Variants in TAF4 observed in about 807,000 individuals in gnomAD.
The protein encoded by TAF4 is TATA-box binding protein associated factor 4, also known as transcription initiation factor TFIID subunit 4.
Under a neutral mutation model 90.3 loss-of-function variants are expected in TAF4, and 9 were observed. That is an observed-to-expected ratio of 0.10 (90% CI 0.06 to 0.17). The LOEUF (loss-of-function observed/expected upper bound fraction) is 0.17. Among genes scored for constraint, TAF4 ranks in the 10% least tolerant of loss-of-function variants. TAF4 has a pLI of 1.00. For missense variants in TAF4, 1,351 were observed against 1,370.7 expected (o/e 0.99, Z 0.23); for synonymous variants, 818 against 638.9 (o/e 1.28, Z -4.23).
chr20:62,029,971 G>A lies in TAF4; in HGVS notation c.1361-15264C>T, dbSNP rs565690106. On this transcript the variant is annotated intron_variant, in intron 1 of 14. Transcript: ENST00000252996. Reference sequence around the variant, plus strand: ...AGTGGTCAGGGGAAGCCTCAGGGCTGGGCCAGAAGGAAGAACAGTGCGCCG... The same window carrying A: ...AGTGGTCAGGGGAAGCCTCAGGGCTAGGCCAGAAGGAAGAACAGTGCGCCG... Among the ~76,000 whole-genome samples, 3 of 152,324 alleles carry A rather than the reference G, an allele frequency of 2.0e-5. No individual in the cohort carries two copies. The South Asian group carries it at 6.2e-4, about 32-fold the overall frequency.
In TAF4 at chr20:61,976,240, G is replaced by A. The variant is rs2055493799; in HGVS notation, c.3186C>T (p.Asp1062=). The change falls in exon 15 of 15, where the codon GAC becomes GAT. Residue 1062 remains aspartate, a synonymous_variant. Coordinates refer to ENST00000252996, the MANE Select transcript of TAF4 (RefSeq NM_003185.4). ...GTTCATTTTCTAAACAAAATATGAGGTCCCTGAGGTTGACCCGCGTGATTC... is the reference window on the plus strand; with the variant it reads ...GTTCATTTTCTAAACAAAATATGAGATCCCTGAGGTTGACCCGCGTGATTC... ...RQRITRVNLR[D]LIFCLENERE... is the part of the protein sequence containing the mutation. The A allele has an allele frequency of 6.2e-7, 1 of 1,613,926 alleles. No homozygotes were observed. The highest frequency in any genetic ancestry group is 8.5e-7 in the Non-Finnish European group (1 of 1,180,048).
Position 62,008,509 on chromosome 20 carries a change from G to T in TAF4, c.1884+543C>A, listed in dbSNP as rs2055760229. On this transcript the variant is annotated intron_variant, in intron 5 of 14. Coordinates refer to ENST00000252996, the MANE Select transcript of TAF4 (RefSeq NM_003185.4). Reference sequence around the variant, plus strand: ...CCTCCCTCCCACCTTCCGGCCAGGGGACAGAGTGCTGTTCTCTGCGACAGA... The same window carrying T: ...CCTCCCTCCCACCTTCCGGCCAGGGTACAGAGTGCTGTTCTCTGCGACAGA... Among the ~76,000 whole-genome samples, 5 of 143,242 alleles carry T rather than the reference G, an allele frequency of 3.5e-5. No homozygotes were observed. In the South Asian group the frequency reaches 9.9e-4, roughly 28 times the overall value. 94.0% of individuals were successfully genotyped at this position (143,242 alleles called of 152,430 possible).
chr20:62,052,045 T>C (rs1421731031), intron 1 of TAF4, among the ~76,000 whole-genome samples: 2 of 152,112 alleles, frequency 1.3e-5, no homozygotes, highest in African/African-American at 2.4e-5. Flanking sequence ...GAAGGCCACC[T>C]TCCCCTTCTG....
In TAF4 at chr20:62,023,796, C is replaced by A. The variant is rs547412599; in HGVS notation, c.1361-9089G>T. On this transcript the variant is annotated intron_variant, in intron 1 of 14. Coordinates refer to ENST00000252996, the MANE Select transcript of TAF4 (RefSeq NM_003185.4). ...GAAAGAAAGAAAGAAAAAGAAAGCT[C>A]CAGTAATCTCAGGGCCGGGCTCACA... 3.1e-4 allele frequency among the ~76,000 whole-genome samples: 47 copies of A among 150,304 alleles called. 1 individual carries two copies. The East Asian group carries it at 8.4e-3, about 27-fold the overall frequency.
At chr20:62,052,481 C>T (rs1238412421) in intron 1 of TAF4, among the ~76,000 whole-genome samples, 2 of 151,898 alleles carry the variant, frequency 1.3e-5, no homozygotes, top group African/African-American at 4.8e-5. Context: ...GATCGACAAA[C>T]CCCAGGGTGC....
chr20:62,023,053 C>A (rs527925292), intron 1 of TAF4, among the ~76,000 whole-genome samples: 1 of 152,192 alleles, frequency 6.6e-6, no homozygotes, highest in African/African-American at 2.4e-5. Flanking sequence ...AGCAATGCAT[C>A]CCAAAGTCCC....
At chr20:62,019,298 C>T (rs569997125) in intron 1 of TAF4, among the ~76,000 whole-genome samples, 1 of 152,332 alleles carries the variant, frequency 6.6e-6, no homozygotes, top group Admixed American at 6.5e-5. Context: ...GGAGGCCACC[C>T]GCCCGAGTTC....
At chr20:61,990,595 C>A (rs1456023228) in intron 14 of TAF4, among the ~76,000 whole-genome samples, 7 of 152,202 alleles carry the variant, frequency 4.6e-5, no homozygotes, top group Admixed American at 3.9e-4. Context: ...CAGGTCCCTC[C>A]AAGAGCCGCA....
chr20:62,027,033 G>T (rs1482104563), intron 1 of TAF4, among the ~76,000 whole-genome samples: 1 of 152,240 alleles, frequency 6.6e-6, no homozygotes, highest in Non-Finnish European at 1.5e-5. Flanking sequence ...GTGTACAAAA[G>T]AGCTACGTGC....
chr20:62,026,235 C>T (rs983433777), intron 1 of TAF4, among the ~76,000 whole-genome samples: 1 of 152,156 alleles, frequency 6.6e-6, no homozygotes, highest in African/African-American at 2.4e-5. Context: ...CTGTTCACCA[C>T]CACACACAAA....
At position 62,000,036 on chromosome 20, in the gene TAF4, C is replaced by G. The variant is rs1328292956; in HGVS notation, c.2787+88G>C. ...GGAGGCACTTGGGACCCACCGCCCT[C>G]TGCCTCGGTGTGGGGAGGAGGCTCC... On this transcript the variant is annotated intron_variant, in intron 11 of 14. Transcript: ENST00000252996. 5 of 1,581,992 alleles carry G rather than the reference C, an allele frequency of 3.2e-6. No homozygotes were observed. The African/African-American group carries it at 5.4e-5, about 17-fold the overall frequency.
intron 11 of TAF4, 30 bp downstream of exon 11, chr20:62,000,094 A>G: frequency 6.2e-7 from 1 of 1,614,192 alleles, no homozygotes; most frequent in Non-Finnish European, 8.5e-7. Context: ...AACAACATAA[A>G]GACGCTCTCC....
chr20:62,013,904 CGGGTGTGT>C (rs1482552993), intron 2 of TAF4, among the ~76,000 whole-genome samples: 12 of 116,068 alleles, frequency 1.0e-4, no homozygotes, highest in African/African-American at 3.1e-4. Flanking sequence ...AAGGCTGACG[CGGGTGTGT>C]GTGTGTGTGT....
intron 5 of TAF4, 189 bp downstream of exon 5, chr20:62,008,863 G>A: frequency 1.5e-6 from 1 of 662,430 alleles, no homozygotes. Context: ...CCCAGCCCCA[G>A]GAAGGAGTCT....
rs143119836 is a variant in TAF4 at position 62,062,262 on chromosome 20, G to A, written c.1360+2189C>T. ...ATTTCAATGAAAACGGAACCAACTA[G>A]AACAATTTAATATTCTCTGATCAAT... On this transcript the variant is annotated intron_variant, in intron 1 of 14. Coordinates refer to ENST00000252996, the MANE Select transcript of TAF4 (RefSeq NM_003185.4). Among the ~76,000 whole-genome samples the A allele has an allele frequency of 6.0e-4, 91 of 152,278 alleles. No individual in the cohort carries two copies. The East Asian group carries it at 0.017, about 29-fold the overall frequency.
At chr20:62,007,019 T>A in intron 6 of TAF4, 1 of 387,434 alleles carries the variant, frequency 2.6e-6, no homozygotes. Context: ...AAAAACTTTT[T>A]AAAATATGTT....
Position 62,065,769 on chromosome 20 carries a change from G to T in TAF4, c.42C>A (p.Asn14Lys). Residue 14 changes from asparagine (N) to lysine (K), a missense_variant, in exon 1 of 15, where the codon AAC becomes AAA. Asn to Lys is a moderately conservative substitution (Grantham distance 94, BLOSUM62 0). This residue lies in a region of TAF4 where 782 missense variants were observed against 536.6 expected (regional missense o/e 1.46). Coordinates refer to ENST00000252996, the MANE Select transcript of TAF4 (RefSeq NM_003185.4). ...TCACCACTTTCTCGTCCACCTCGCT[G>T]TTGAAGAAGACCTCGTCCAGCAGAT... ...GSDLLDEVFFNSEVDEKVVSD... is the reference protein window; with the variant it reads ...GSDLLDEVFFKSEVDEKVVSD... 7.4e-7 allele frequency: 1 copy of T among 1,343,236 alleles called. No individual in the cohort carries two copies. Among genetic ancestry groups the T allele is most frequent in the African/African-American group, 1.6e-5 (1 of 64,002 alleles). The allele number at this position is 1,343,236 out of a possible 1,614,324, so 83.2% of individuals were successfully genotyped here.
chr20:62,052,293 C>G (rs1185134368), intron 1 of TAF4, among the ~76,000 whole-genome samples: 1 of 145,814 alleles, frequency 6.9e-6, no homozygotes, highest in South Asian at 2.4e-4. Context: ...CCAAATGGGG[C>G]GCACTTTGTT....
In TAF4 at chr20:62,064,701, C is replaced by A. The variant is rs1309374021; in HGVS notation, c.1110G>T (p.Ala370=). ...TLAASGPAST[A]ASMVIGPTMQ... ...TAGTTGGCCCGATGACCATGCTGGCCGCCGTGCTGGCCGGGCCGCTGGCCG... is the reference window on the plus strand; with the variant it reads ...TAGTTGGCCCGATGACCATGCTGGCAGCCGTGCTGGCCGGGCCGCTGGCCG... The change falls in exon 1 of 15, where the codon GCG becomes GCT. Residue 370 remains alanine (A), a synonymous_variant. Coordinates refer to ENST00000252996, the MANE Select transcript of TAF4 (RefSeq NM_003185.4). The A allele has an allele frequency of 8.0e-7, 1 of 1,249,820 alleles. No homozygotes were observed. The highest frequency in any genetic ancestry group is 2.8e-5 in the South Asian group (1 of 35,836). The allele number at this position is 1,249,820 out of a possible 1,614,324, so 77.4% of individuals were successfully genotyped here. A position where few individuals can be genotyped will look rare whatever the true frequency, so the allele number is the denominator to read the frequency against.
Sources: gnomAD v4.1 joint callset for allele counts (sites outside exome capture counted in the v4.1 genomes callset) on GRCh38, gnomAD v4.1.1 for gene constraint, gnomAD v4.1.1 regional missense constraint, MANE v1.5 for transcripts, NCBI Gene and HGNC (gene_info 2026-07-23, HGNC 2026-07-21) for gene names.